The following KCNC4 variants were observed in gnomAD, a reference collection of about 807,000 sequenced individuals.
The protein encoded by KCNC4 is potassium voltage-gated channel subfamily C member 4.
KCNC4 carries 23 observed loss-of-function variants against 42.8 expected under a neutral mutation model. The ratio of observed to expected loss-of-function variants is 0.54; its 90% confidence interval spans 0.39 to 0.76. The LOEUF (loss-of-function observed/expected upper bound fraction) is 0.76. Among genes scored for constraint, KCNC4 ranks in the 30% least tolerant of loss-of-function variants. The pLI is 0.00. For missense variants in KCNC4, 751 were observed against 898.2 expected (o/e 0.84, Z 2.10); for synonymous variants, 422 against 393.5 (o/e 1.07, Z -0.86).
intron 1 of KCNC4, among the ~76,000 whole-genome samples, chr1:110,266,130 G>C (rs904554369): frequency 1.3e-5 from 2 of 152,116 alleles, no homozygotes; most frequent in Non-Finnish European, 2.9e-5. Flanking sequence ...CAATTCCCCC[G>C]ACAGCTCTGG....
rs374463038 is a variant in KCNC4 at position 110,225,926 on chromosome 1, A to C, written c.1616-49A>C. ...GGAGACCCCAGATGACCCATGAGCA[A>C]GGCTCAGGTCGCCCCTCATGCAGCC... On this transcript the variant is annotated intron_variant, in intron 2 of 3. Transcript: ENST00000438661. 2.0e-5 allele frequency: 30 copies of C among 1,506,580 alleles called. No homozygotes were observed. The Middle Eastern group carries it at 7.3e-4, about 37-fold the overall frequency. The allele number at this position is 1,506,580 out of a possible 1,614,324, so 93.3% of individuals were successfully genotyped here. A position where few individuals can be genotyped will look rare whatever the true frequency, so the allele number is the denominator to read the frequency against.
intron 1 of KCNC4, among the ~76,000 whole-genome samples, chr1:110,217,268 C>T (rs1034503669): frequency 5.9e-5 from 9 of 152,078 alleles, no homozygotes; most frequent in South Asian, 2.1e-4. Flanking sequence ...CCCACCTCTA[C>T]GTGGGATGAG....
At chr1:110,232,706 C>T (rs1377751969) in intron 3 of KCNC4, 7 of 1,497,034 alleles carry the variant, frequency 4.7e-6, no homozygotes, top group East Asian at 2.5e-5. Flanking sequence ...GGCCTTTTAG[C>T]CCTGGGTTCC....
At chr1:110,238,928 A>G (rs1658969259), downstream of KCNC4, 1 of 152,138 alleles carries the variant, frequency 6.6e-6, no homozygotes, top group Non-Finnish European at 1.5e-5. Flanking sequence ...AGACCAATAG[A>G]TAAAAAATAT....
intron 1 of KCNC4, among the ~76,000 whole-genome samples, chr1:110,264,607 A>T (rs190603828): frequency 6.6e-6 from 1 of 152,308 alleles, no homozygotes; most frequent in African/African-American, 2.4e-5. Flanking sequence ...ACCAAACATG[A>T]CTTTAACTTC....
intron 1 of KCNC4, among the ~76,000 whole-genome samples, chr1:110,273,917 C>T (rs1217601559): frequency 6.6e-6 from 1 of 152,096 alleles, no homozygotes; most frequent in African/African-American, 2.4e-5. Flanking sequence ...ACTCCCAGAA[C>T]CAACCCAGGA....
rs578248405 is a variant in KCNC4 at position 110,212,013 on chromosome 1, G to A, written c.514G>A (p.Gly172Arg). 5.6e-6 allele frequency: 9 copies of A among 1,603,110 alleles called. No individual in the cohort carries two copies. In the South Asian group the frequency reaches 8.9e-5, roughly 16 times the overall value. ...ESPDGGGSGAGPSDEAGDDER... is the reference protein window; with the variant it reads ...ESPDGGGSGARPSDEAGDDER... ...CCCGGACGGAGGCGGCAGCGGCGCG[G>A]GGCCCAGCGACGAGGCCGGCGACGA... Residue 172 changes from glycine (G) to arginine (R), a missense_variant, in exon 1 of 4, where the codon GGG (glycine) becomes AGG (arginine). This residue lies in a region of KCNC4 where 183 missense variants were observed against 255.8 expected (regional missense o/e 0.72). Transcript: ENST00000438661.
At chr1:110,227,164 C>T (rs531265567) in intron 3 of KCNC4, among the ~76,000 whole-genome samples, 12 of 152,324 alleles carry the variant, frequency 7.9e-5, no homozygotes, top group South Asian at 2.1e-4. Context: ...ATTTCCCATC[C>T]CCCACTTCCC....
intron 1 of KCNC4, among the ~76,000 whole-genome samples, chr1:110,275,833 C>G (rs1284142132): frequency 2.0e-5 from 3 of 151,798 alleles, no homozygotes; most frequent in Non-Finnish European, 4.4e-5. Flanking sequence ...TGGCACACGC[C>G]TCTAGTCCCA....
chr1:110,212,212 G>C (rs1657511133), intron 1 of KCNC4, 35 bp downstream of exon 1: 2 of 1,427,626 alleles, frequency 1.4e-6, no homozygotes, highest in African/African-American at 3.0e-5. Context: ...CCCATCTTGG[G>C]TCTGCAAGGG....
At chr1:110,229,049 G>C (rs1342040923) in intron 3 of KCNC4, 1 of 152,358 alleles carries the variant, frequency 6.6e-6, no homozygotes, top group East Asian at 1.9e-4. Context: ...GAGCGCCTGG[G>C]GCCAGTCAGC....
In KCNC4 at chr1:110,223,842, C is replaced by T; in HGVS notation, c.1557C>T (p.Thr519=). 6.2e-7 allele frequency: 1 copy of T among 1,610,072 alleles called. No homozygotes were observed. Among genetic ancestry groups the T allele is most frequent in the South Asian group, 1.1e-5 (1 of 90,838 alleles). Residue 519 remains threonine, a synonymous_variant, in exon 2 of 4, where the codon ACC becomes ACT. Transcript: ENST00000438661. The surrounding 1 kb of genome is among the most constrained non-coding windows in gnomAD (Gnocchi z 7.5). ...KSEETSPRDS[T]CSDTSPPARE... Reference sequence around the variant, plus strand: ...AGGAGACTTCCCCCCGGGACAGCACCTGCAGTGATACCAGCCCCCCTGCCC... The same window carrying T: ...AGGAGACTTCCCCCCGGGACAGCACTTGCAGTGATACCAGCCCCCCTGCCC...
intron 3 of KCNC4, 78 bp downstream of exon 3, chr1:110,226,256 TC>T (rs778183773): frequency 3.7e-5 from 46 of 1,237,404 alleles, no homozygotes; most frequent in African/African-American, 2.5e-4. Context: ...GAGCCTGAGG[TC>T]CCCCCCTCCC....
chr1:110,265,692 C>T (rs925927597), intron 1 of KCNC4, among the ~76,000 whole-genome samples: 3 of 152,140 alleles, frequency 2.0e-5, no homozygotes, highest in South Asian at 4.1e-4. Flanking sequence ...TCTGGGGCCC[C>T]GAAGAGGAAC....
chr1:110,278,817 G>A (rs1268997702), intron 1 of KCNC4, among the ~76,000 whole-genome samples: 2 of 152,164 alleles, frequency 1.3e-5, no homozygotes, highest in Non-Finnish European at 2.9e-5. Flanking sequence ...GAAGCTTGAT[G>A]GGAAGTGGGG....
intron 1 of KCNC4, among the ~76,000 whole-genome samples, chr1:110,274,786 G>A (rs1365584352): frequency 6.6e-6 from 1 of 152,188 alleles, no homozygotes; most frequent in Non-Finnish European, 1.5e-5. Flanking sequence ...TTCAATAAAT[G>A]GTGCTGGGGA....
intron 1 of KCNC4, among the ~76,000 whole-genome samples, chr1:110,215,933 G>T (rs1463178077): frequency 6.6e-6 from 1 of 152,156 alleles, no homozygotes; most frequent in African/African-American, 2.4e-5. Context: ...CCAGAGGGTG[G>T]CCCCTCACTG....
chr1:110,227,505 G>A (rs542299033), intron 3 of KCNC4, among the ~76,000 whole-genome samples: 1 of 152,360 alleles, frequency 6.6e-6, no homozygotes, highest in Non-Finnish European at 1.5e-5. Context: ...GCAAAAGGCA[G>A]CAGATGGAGG....
intron 1 of KCNC4, among the ~76,000 whole-genome samples, chr1:110,216,780 G>A (rs935716609): frequency 3.3e-5 from 5 of 152,172 alleles, no homozygotes; most frequent in African/African-American, 1.2e-4. Flanking sequence ...CTCTGGCCCT[G>A]CTCCCTGCTG....
Sources: gnomAD v4.1 joint callset for allele counts (sites outside exome capture counted in the v4.1 genomes callset) on GRCh38, gnomAD v4.1.1 for gene constraint, gnomAD v4.1.1 regional missense constraint, Gnocchi (gnomAD v3.1) non-coding constraint, MANE v1.5 for transcripts, NCBI Gene and HGNC (gene_info 2026-07-23, HGNC 2026-07-21) for gene names.